Variants in ARHGAP26 observed in about 807,000 individuals in gnomAD.
ARHGAP26 encodes Rho GTPase activating protein 26.
ARHGAP26 carries 38 observed loss-of-function variants against 104.8 expected under a neutral mutation model. The observed-to-expected ratio is 0.36, with a 90% CI of 0.28 to 0.48. The LOEUF (loss-of-function observed/expected upper bound fraction) is 0.48. Ranked by LOEUF, ARHGAP26 falls within the 20% of genes least tolerant of loss-of-function variation. The pLI, the probability that ARHGAP26 is intolerant of heterozygous loss-of-function variation, is 0.99. For missense variants in ARHGAP26, 704 were observed against 947.9 expected, an observed-to-expected ratio of 0.74 and a Z score of 3.38; for synonymous variants, 341 against 340.0, an observed-to-expected ratio of 1.00 and a Z score of -0.03.
At chr5:143,075,939 T>G (rs756156332) in intron 17 of ARHGAP26, among the ~76,000 whole-genome samples, 9 of 152,014 alleles carry the variant, frequency 5.9e-5, no homozygotes, top group Non-Finnish European at 1.3e-4. Flanking sequence ...GCTCAAACAG[T>G]CCACCCACCT....
rs111802038 is a variant in ARHGAP26 at position 142,855,947 on chromosome 5, A to G, written c.155-17453A>G. 5.9e-3 allele frequency among the ~76,000 whole-genome samples: 903 copies of G among 152,326 alleles called. 14 individuals are homozygous for G. The highest frequency in any genetic ancestry group is 0.02 in the African/African-American group (845 of 41,570). ...GAATAACAATAAATGAGTGGTCTTT[A>G]TGGCATAGTCTACTCCTTTAAGAGG... On this transcript the variant is annotated intron_variant, in intron 1 of 22. Transcript: ENST00000645722.
intron 21 of ARHGAP26, 101 bp from the exon 22 acceptor site, chr5:143,213,896 G>C (rs977839691): frequency 2.6e-5 from 19 of 718,150 alleles, no homozygotes; most frequent in Non-Finnish European, 4.1e-5. Context: ...CACGAGAGGG[G>C]ACTAGGTAGC....
intron 12 of ARHGAP26, among the ~76,000 whole-genome samples, chr5:143,035,935 CAAAAA>C (rs10713064): frequency 6.4e-5 from 5 of 78,098 alleles, no homozygotes; most frequent in Non-Finnish European, 1.0e-4. Context: ...GACCTTGTCT[CAAAAA>C]AAAAAAAAAA....
chr5:143,158,668 G>A (rs1362464662), intron 20 of ARHGAP26, among the ~76,000 whole-genome samples: 1 of 152,212 alleles, frequency 6.6e-6, no homozygotes. Flanking sequence ...CAAGGAAGCA[G>A]TGGAGTTCTC....
At chr5:143,098,444 A>G (rs1792736487) in intron 17 of ARHGAP26, among the ~76,000 whole-genome samples, 1 of 152,204 alleles carries the variant, frequency 6.6e-6, no homozygotes, top group African/African-American at 2.4e-5. Flanking sequence ...GGGAATAATT[A>G]GTATGGGAAG....
chr5:142,907,786 A>G lies in ARHGAP26; in HGVS notation c.915A>G (p.Gln305=). Residue 305 remains glutamine, a synonymous_variant, in exon 9 of 23, where the codon CAA becomes CAG. Coordinates refer to ENST00000645722, the MANE Select transcript of ARHGAP26 (RefSeq NM_001135608.3). ...AAATCACCATGGTACCATTTGACCAAAAGTCAGGAGGAAAAGGGGTGAGTT... is the reference window on the plus strand; with the variant it reads ...AAATCACCATGGTACCATTTGACCAGAAGTCAGGAGGAAAAGGGGTGAGTT... The part of the protein sequence containing the change: ...SKQITMVPFD[Q]KSGGKGGEDE... 6.2e-7 allele frequency: 1 copy of G among 1,610,536 alleles called. No homozygotes were observed. Among genetic ancestry groups the G allele is most frequent in the East Asian group, 2.2e-5 (1 of 44,846 alleles).
chr5:143,077,659 C>T (rs538256557), intron 17 of ARHGAP26, among the ~76,000 whole-genome samples: 1 of 152,336 alleles, frequency 6.6e-6, no homozygotes, highest in South Asian at 2.1e-4. Flanking sequence ...TTCTGGCTTG[C>T]ACAGATGACA....
chr5:143,140,753 T>C (rs1287046853), intron 19 of ARHGAP26, among the ~76,000 whole-genome samples: 1 of 144,756 alleles, frequency 6.9e-6, no homozygotes, highest in Non-Finnish European at 1.5e-5. Flanking sequence ...GGGGTGGGGG[T>C]GGGGGCAGGA....
At chr5:143,212,757 C>T (rs1206926363) in intron 21 of ARHGAP26, among the ~76,000 whole-genome samples, 6 of 152,348 alleles carry the variant, frequency 3.9e-5, no homozygotes, top group East Asian at 1.9e-4. Context: ...ATTTACCACC[C>T]GGCCCTTTGC....
At chr5:142,834,656 C>G (rs1769194245) in intron 1 of ARHGAP26, among the ~76,000 whole-genome samples, 1 of 152,206 alleles carries the variant, frequency 6.6e-6, no homozygotes, top group Non-Finnish European at 1.5e-5. Flanking sequence ...TCTACATGCT[C>G]TGGCAGCTTC....
intron 11 of ARHGAP26, among the ~76,000 whole-genome samples, chr5:142,932,995 A>T (rs572145926): frequency 3.9e-5 from 6 of 152,382 alleles, no homozygotes; most frequent in Non-Finnish European, 7.3e-5. Context: ...ATAGAGCAAG[A>T]TCTCTTAAAG....
intron 1 of ARHGAP26, among the ~76,000 whole-genome samples, chr5:142,782,926 A>AT (rs1757812482): frequency 6.6e-6 from 1 of 152,112 alleles, no homozygotes; most frequent in South Asian, 2.1e-4. Flanking sequence ...CTAACTGCAG[A>AT]TTCTCTGGCT....
chr5:143,008,827 G>A (rs1778356286), intron 11 of ARHGAP26, among the ~76,000 whole-genome samples: 2 of 152,228 alleles, frequency 1.3e-5, no homozygotes, highest in South Asian at 2.1e-4. Context: ...GGTAATAAAG[G>A]TACTCATAGA....
intron 20 of ARHGAP26, among the ~76,000 whole-genome samples, chr5:143,189,474 G>C (rs1805599978): frequency 6.6e-6 from 1 of 151,988 alleles, no homozygotes; most frequent in Non-Finnish European, 1.5e-5. Context: ...GATTTTAGTT[G>C]ATTTCATAGC....
At chr5:142,873,526 G>A (rs1598025456) in intron 2 of ARHGAP26, 31 bp downstream of exon 2, 3 of 1,449,152 alleles carry the variant, frequency 2.1e-6, no homozygotes, top group Middle Eastern at 1.8e-4. Flanking sequence ...AGATAAAAAT[G>A]TTCATTGTTT....
intron 11 of ARHGAP26, among the ~76,000 whole-genome samples, chr5:142,998,986 T>G (rs1275242318): frequency 1.3e-5 from 2 of 152,180 alleles, no homozygotes; most frequent in Non-Finnish European, 2.9e-5. Context: ...ACCATCCTAA[T>G]GTATATATGA....
In ARHGAP26 at chr5:143,054,397, A is replaced by G. The variant is rs539690017; in HGVS notation, c.1286-42A>G. On this transcript the variant is annotated intron_variant, in intron 14 of 22. Transcript: ENST00000645722. Reference sequence around the variant, plus strand: ...TTATGTGTGCTTATTTATTAGTTCCATTTTATGCTGTGCTTTATGTATTGT... The same window carrying G: ...TTATGTGTGCTTATTTATTAGTTCCGTTTTATGCTGTGCTTTATGTATTGT... 1.5e-5 allele frequency: 22 copies of G among 1,452,486 alleles called. No homozygotes were observed. In the Admixed American group the frequency reaches 2.3e-4, roughly 15 times the overall value. The allele number at this position is 1,452,486 out of a possible 1,614,324, so 90.0% of individuals were successfully genotyped here.
chr5:143,017,380 T>C (rs1398405168), intron 12 of ARHGAP26, among the ~76,000 whole-genome samples: 2 of 152,180 alleles, frequency 1.3e-5, no homozygotes, highest in Non-Finnish European at 1.5e-5. Flanking sequence ...CTGATAAATA[T>C]ATGTACATTT....
chr5:142,809,899 C>T (rs749797651), intron 1 of ARHGAP26, among the ~76,000 whole-genome samples: 1 of 152,228 alleles, frequency 6.6e-6, no homozygotes, highest in African/African-American at 2.4e-5. Flanking sequence ...AGATAAGGCC[C>T]TTCTCTCATG....
Sources: allele counts gnomAD v4.1 joint callset (sites outside exome capture counted in the v4.1 genomes callset), GRCh38; gene constraint gnomAD v4.1.1; transcripts MANE v1.5; gene names NCBI Gene and HGNC (gene_info 2026-07-23, HGNC 2026-07-21).